The following VMA12 variants were observed in gnomAD, a reference collection of about 807,000 sequenced individuals.
The protein encoded by VMA12 is vacuolar ATPase assembly protein VMA12.
chr17:28,359,606 G>T, the VMA12 span: 1 of 454,316 alleles, frequency 2.2e-6, no homozygotes, highest in South Asian at 3.4e-5. Flanking sequence ...AGTTTTAAAC[G>T]TCATAGAAGT....
chr17:28,363,312 C>G, the VMA12 span: 1 of 152,092 alleles, frequency 6.6e-6, no homozygotes, highest in Non-Finnish European at 1.5e-5. Flanking sequence ...TCTCATCTCC[C>G]CAGGGTCTTG....
At chr17:28,361,288 G>C in the VMA12 span, 16 of 1,601,732 alleles carry the variant, frequency 1.0e-5, no homozygotes, top group African/African-American at 2.0e-4. Context: ...GAAGACTTTG[G>C]GGGCTTCAGG....
At chr17:28,358,913 C>G in the VMA12 span, 2 of 1,605,968 alleles carry the variant, frequency 1.2e-6, no homozygotes, top group Non-Finnish European at 1.7e-6. Context: ...CTTTTCTTCT[C>G]AGATTCCAAA....
chr17:28,361,278 G>C, the VMA12 span: 1 of 1,610,990 alleles, frequency 6.2e-7, no homozygotes, highest in South Asian at 1.1e-5. Context: ...CAAGTCTAGA[G>C]AAGACTTTGG....
chr17:28,358,924 C>T, the VMA12 span: 1 of 1,610,132 alleles, frequency 6.2e-7, no homozygotes, highest in Middle Eastern at 1.7e-4. Flanking sequence ...AGATTCCAAA[C>T]TATACCTCCA....
the VMA12 span, chr17:28,361,256 G>T: frequency 1.2e-3 from 2,002 of 1,613,974 alleles, 31 homozygotes; most frequent in African/African-American, 0.024. Flanking sequence ...ACTGTAACTG[G>T]TGCTTCATCA....
chr17:28,359,439 G>GC, the VMA12 span: 2 of 1,601,746 alleles, frequency 1.2e-6, no homozygotes, highest in Non-Finnish European at 8.6e-7. Flanking sequence ...GGTCTAGGTA[G>GC]CCCCTCAGAG....
At chr17:28,360,290 C>T in the VMA12 span, 1 of 455,882 alleles carries the variant, frequency 2.2e-6, no homozygotes, top group South Asian at 2.3e-5. Context: ...GGGCTCCCTA[C>T]TACTCTATGG....
At chr17:28,359,471 G>A in the VMA12 span, 4 of 1,472,992 alleles carry the variant, frequency 2.7e-6, no homozygotes, top group Admixed American at 1.8e-5. Context: ...AGTGGAAGAA[G>A]ATACAGAGTT....
the VMA12 span, chr17:28,358,463 C>T: frequency 1.5e-5 from 7 of 472,418 alleles, no homozygotes; most frequent in South Asian, 1.1e-4. Flanking sequence ...CAAACTAGCA[C>T]ATAAGGTATT....
the VMA12 span, chr17:28,363,108 C>T: frequency 6.6e-6 from 1 of 152,190 alleles, no homozygotes; most frequent in Non-Finnish European, 1.5e-5. Flanking sequence ...AAACAGAGAG[C>T]AAATAAGTAT....
chr17:28,360,572 G>A, the VMA12 span: 2 of 1,614,216 alleles, frequency 1.2e-6, no homozygotes, highest in Non-Finnish European at 8.5e-7. Flanking sequence ...GGAAAGCAAG[G>A]TGAGGTACTA....
At chr17:28,357,679 C>G in the VMA12 span, 6 of 1,612,520 alleles carry the variant, frequency 3.7e-6, no homozygotes, top group East Asian at 2.2e-5. Flanking sequence ...ATATGGCGTC[C>G]TCTTTGCTTG....
chr17:28,360,730 CA>C, the VMA12 span: 4 of 1,613,790 alleles, frequency 2.5e-6, no homozygotes, highest in Non-Finnish European at 3.4e-6. Flanking sequence ...GGCTCCTCCC[CA>C]AAGTGAGATC....
At chr17:28,359,423 G>A in the VMA12 span, 41 of 1,612,708 alleles carry the variant, frequency 2.5e-5, no homozygotes, top group South Asian at 5.5e-5. Flanking sequence ...ATGCTCTTCA[G>A]TACGTGGTCT....
chr17:28,363,053 T>TA, the VMA12 span: 2 of 152,228 alleles, frequency 1.3e-5, no homozygotes, highest in Non-Finnish European at 2.9e-5. Flanking sequence ...TACGATGTGT[T>TA]ACACACCATG....
At chr17:28,360,875 GC>G in the VMA12 span, 1 of 1,597,256 alleles carries the variant, frequency 6.3e-7, no homozygotes, top group East Asian at 2.2e-5. Context: ...AGGGCAGGGT[GC>G]CCCTGGTGGG....
At chr17:28,361,192 G>A in the VMA12 span, 2 of 1,614,130 alleles carry the variant, frequency 1.2e-6, no homozygotes, top group South Asian at 2.2e-5. Context: ...CCTCTGTGGT[G>A]GGTCTGGCCG....
chr17:28,360,119 C>T, the VMA12 span: 1 of 174,954 alleles, frequency 5.7e-6, no homozygotes, highest in South Asian at 1.2e-4. Flanking sequence ...AGGCATGCAC[C>T]ACCACGCCAG....
Sources: allele counts gnomAD v4.1 joint callset, GRCh38; gene constraint gnomAD v4.1.1; transcripts MANE v1.5; gene names NCBI Gene and HGNC (gene_info 2026-07-23, HGNC 2026-07-21).